TGDS: variants seen among roughly 807,000 people sequenced by gnomAD.
TGDS encodes TDP-glucose 4,6-dehydratase.
In TGDS, 47 loss-of-function variants were observed where a neutral mutation model predicts 52.3. That is an observed-to-expected ratio of 0.90 (90% CI 0.71 to 1.15). The LOEUF (loss-of-function observed/expected upper bound fraction) is 1.15. TGDS is among the 50% of genes most tolerant of loss of function. The pLI, the probability that TGDS is intolerant of heterozygous loss-of-function variation, is 0.00. For synonymous variants in TGDS, 115 were observed against 136.9 expected (o/e 0.84, Z 1.12); for missense variants, 375 against 418.4 (o/e 0.90, Z 0.90).
At chr13:94,593,713 G>C in intron 2 of TGDS, 128 bp downstream of exon 2, 1 of 682,244 alleles carries the variant, frequency 1.5e-6, no homozygotes, top group South Asian at 1.8e-5. Context: ...TTACTATACA[G>C]AGCCTCTGAA....
rs570745526 is a variant in TGDS at position 94,577,378 on chromosome 13, TAACATA to T, written c.871_876del (p.Tyr291_Val292del). On this transcript the variant is annotated inframe_deletion, in exon 10 of 12. Transcript: ENST00000261296. Reference sequence around the variant, plus strand: ...TTTTAACTTGTTACTCACCTATCATTAACATAATCAACCCAATTTTCCATTTCAGAC... The same window carrying T: ...TTTTAACTTGTTACTCACCTATCATTATCAACCCAATTTTCCATTTCAGAC... 6.4e-7 allele frequency: 1 copy of T among 1,572,912 alleles called. No homozygotes were observed. The highest frequency in any genetic ancestry group is 8.6e-7 in the Non-Finnish European group (1 of 1,164,206).
chr13:94,596,249 G>T, upstream of TGDS: 1 of 1,174,896 alleles, frequency 8.5e-7, no homozygotes, highest in Non-Finnish European at 1.2e-6. Context: ...TAACAGAGCA[G>T]CCAGAGGCAG....
In TGDS at chr13:94,581,137, T is replaced by G; in HGVS notation, c.509A>C (p.Lys170Thr). Residue 170 changes from lysine (K) to threonine (T), a missense_variant, in exon 6 of 12, where the codon AAA (lysine) becomes ACA (threonine). By Grantham distance (78) the Lys-to-Thr change is moderately conservative. Coordinates refer to ENST00000261296, the MANE Select transcript of TGDS (RefSeq NM_014305.4). ...CTGTACAAAACATTCAGCAGCTGCT[T>G]TAGATGATGCATAAGGATTTGTAGG... ...KQPTNPYASS[K>T]AAAECFVQSY... 6.3e-7 allele frequency: 1 copy of G among 1,596,844 alleles called. No homozygotes were observed. Among genetic ancestry groups the G allele is most frequent in the Non-Finnish European group, 8.5e-7 (1 of 1,171,166 alleles).
chr13:94,585,314 T>C (rs1017051143), intron 4 of TGDS, among the ~76,000 whole-genome samples: 8 of 152,016 alleles, frequency 5.3e-5, no homozygotes, highest in African/African-American at 1.7e-4. Flanking sequence ...TCCCAAAGTG[T>C]TGGGATTACA....
At chr13:94,595,981 C>A in intron 1 of TGDS, 70 bp downstream of exon 1, 1 of 1,588,100 alleles carries the variant, frequency 6.3e-7, no homozygotes, top group Non-Finnish European at 8.6e-7. Context: ...TTACCTAGGG[C>A]AAGCAGAGCT....
At chr13:94,592,220 G>C in intron 3 of TGDS, 21 bp downstream of exon 3, 1 of 1,573,578 alleles carries the variant, frequency 6.4e-7, no homozygotes. Context: ...GCACGGTACA[G>C]TTACAAGAAA....
chr13:94,583,331 T>C, intron 4 of TGDS, 95 bp from the exon 5 acceptor site: 2 of 1,272,254 alleles, frequency 1.6e-6, no homozygotes, highest in South Asian at 1.7e-5. Context: ...TACTAGTCAC[T>C]GTTCTTCATT....
In TGDS at chr13:94,576,370, A is replaced by AT. The variant is rs778054977; in HGVS notation, c.925dup (p.Ile309AsnfsTer9). On this transcript the variant is annotated frameshift_variant, in exon 11 of 12. Transcript: ENST00000261296. LOFTEE classifies it high-confidence loss of function. ...TTTAGGTCTCCATCCTAAGCCATGT[A>AT]TTTTTTCTGACTTCATTGGGTATCT... 9 of 1,604,884 alleles carry AT rather than the reference A, an allele frequency of 5.6e-6. No individual in the cohort carries two copies. Among genetic ancestry groups the AT allele is most frequent in the Non-Finnish European group, 7.7e-6 (9 of 1,175,438 alleles).
chr13:94,594,736 T>C (rs973525599), intron 1 of TGDS, among the ~76,000 whole-genome samples: 34 of 152,258 alleles, frequency 2.2e-4, no homozygotes, highest in African/African-American at 7.7e-4. Context: ...TAAGTGAAAC[T>C]TGCCAGCCTG....
intron 5 of TGDS, among the ~76,000 whole-genome samples, chr13:94,581,794 TA>T (rs1163487032): frequency 6.6e-6 from 1 of 152,168 alleles, no homozygotes; most frequent in Non-Finnish European, 1.5e-5. Flanking sequence ...TCATAAATAA[TA>T]AAATAAACAG....
At chr13:94,593,751 A>T in intron 2 of TGDS, 90 bp downstream of exon 2, 1 of 954,682 alleles carries the variant, frequency 1.0e-6, no homozygotes, top group Non-Finnish European at 1.6e-6. Flanking sequence ...TAAAAAATTT[A>T]AATATCAGCA....
intron 2 of TGDS, among the ~76,000 whole-genome samples, chr13:94,592,736 G>A (rs1210645398): frequency 1.3e-5 from 2 of 152,102 alleles, no homozygotes; most frequent in African/African-American, 4.8e-5. Flanking sequence ...TTACAAGCGT[G>A]AGCCCAGCCT....
chr13:94,574,699 C>T lies in TGDS; in HGVS notation c.*83G>A. The T allele has an allele frequency of 1.2e-6, 1 of 807,336 alleles. No individual in the cohort carries two copies. The highest frequency in any genetic ancestry group is 2.3e-5 in the Admixed American group (1 of 43,656). The allele number at this position is 807,336 out of a possible 1,614,324, so 50.0% of individuals were successfully genotyped here. On this transcript the variant is annotated 3_prime_UTR_variant, in exon 12 of 12. Coordinates refer to ENST00000261296, the MANE Select transcript of TGDS (RefSeq NM_014305.4). Reference sequence around the variant, plus strand: ...AATTCCAAAAGAAAAGAGTGCACTTCATTTGGTCACTTAATTTCATACCAC... The same window carrying T: ...AATTCCAAAAGAAAAGAGTGCACTTTATTTGGTCACTTAATTTCATACCAC...
At chr13:94,579,132 AG>A (rs1422153723) in intron 7 of TGDS, among the ~76,000 whole-genome samples, 1 of 152,244 alleles carries the variant, frequency 6.6e-6, no homozygotes, top group Non-Finnish European at 1.5e-5. Context: ...TAAGTGCTTC[AG>A]GAATTTATAG....
At chr13:94,584,011 C>G (rs939693380) in intron 4 of TGDS, among the ~76,000 whole-genome samples, 1 of 152,194 alleles carries the variant, frequency 6.6e-6, no homozygotes, top group East Asian at 1.9e-4. Flanking sequence ...TTCTTACTTA[C>G]CAGACTGGCA....
intron 4 of TGDS, among the ~76,000 whole-genome samples, chr13:94,588,189 T>C (rs540142279): frequency 2.0e-5 from 3 of 151,896 alleles, no homozygotes; most frequent in Admixed American, 6.6e-5. Context: ...GTGGATCACC[T>C]GAGGAGGGTG....
Position 94,578,071 on chromosome 13 carries a change from T to C in TGDS, c.759A>G (p.Glu253=). 3 of 1,613,918 alleles carry C rather than the reference T, an allele frequency of 1.9e-6. No individual in the cohort carries two copies. The highest frequency in any genetic ancestry group is 2.5e-6 in the Non-Finnish European group (3 of 1,179,896). Residue 253 remains glutamate, a synonymous_variant, in exon 9 of 12, where the codon GAA becomes GAG. Coordinates refer to ENST00000261296, the MANE Select transcript of TGDS (RefSeq NM_014305.4). The part of the protein sequence containing the change: ...LTVLKKGKPG[E]IYNIGTNFEM... ...CAAAATTGGTTCCGATGTTATAAATTTCACCTGGTTTCCCTTTTTTGAGGA... is the reference window on the plus strand; with the variant it reads ...CAAAATTGGTTCCGATGTTATAAATCTCACCTGGTTTCCCTTTTTTGAGGA...
chr13:94,577,692 G>A (rs949986953), intron 9 of TGDS, among the ~76,000 whole-genome samples: 2 of 151,908 alleles, frequency 1.3e-5, no homozygotes, highest in African/African-American at 4.8e-5. Context: ...AATATACATG[G>A]ACATTCATAA....
rs1888538021 is a variant in TGDS, at chr13:94,574,811, C to T, written c.1024G>A (p.Glu342Lys). 5 of 1,606,840 alleles carry T rather than the reference C, an allele frequency of 3.1e-6. No individual in the cohort carries two copies. The East Asian group carries it at 1.1e-4, about 36-fold the overall frequency. Residue 342 changes from glutamate (E) to lysine (K), a missense_variant, in exon 12 of 12, where the codon GAA becomes AAA. Transcript: ENST00000261296. The part of the protein sequence containing the change: ...RENFHNWKNV[E>K]KALEPFPV ...ACCGGAAAGGGTTCTAATGCCTTTT[C>T]CACATTCTTCCAGTTGTGAAAATTC...
Sources: gnomAD v4.1 joint callset for allele counts (sites outside exome capture counted in the v4.1 genomes callset) on GRCh38, gnomAD v4.1.1 for gene constraint, MANE v1.5 for transcripts, NCBI Gene and HGNC (gene_info 2026-07-23, HGNC 2026-07-21) for gene names.